Variants in NIPAL2 observed in about 807,000 individuals in gnomAD.
NIPAL2 encodes NIPA-like protein 2.
In NIPAL2, 43 loss-of-function variants were observed where a neutral mutation model predicts 48.9. That is an observed-to-expected ratio of 0.88 (90% CI 0.69 to 1.13). NIPAL2 has a LOEUF of 1.13. NIPAL2 is among the 50% of genes most tolerant of loss of function. The pLI is 0.00. For missense variants in NIPAL2, 446 were observed against 461.4 expected (o/e 0.97, Z 0.31); for synonymous variants, 167 against 174.6 (o/e 0.96, Z 0.34).
chr8:98,218,372 T>C (rs1811676002), intron 5 of NIPAL2, among the ~76,000 whole-genome samples: 1 of 152,164 alleles, frequency 6.6e-6, no homozygotes, highest in African/African-American at 2.4e-5. Flanking sequence ...TATCACGGAC[T>C]GATGAAAGCT....
chr8:98,196,306 C>G (rs145277265), intron 8 of NIPAL2, among the ~76,000 whole-genome samples: 4 of 152,188 alleles, frequency 2.6e-5, no homozygotes, highest in Non-Finnish European at 5.9e-5. Context: ...CTGGAACATA[C>G]AAGAAAACAA....
chr8:98,229,924 A>T (rs897864869), intron 4 of NIPAL2, among the ~76,000 whole-genome samples: 1 of 152,238 alleles, frequency 6.6e-6, no homozygotes, highest in Admixed American at 6.5e-5. Context: ...TATACTACAC[A>T]TAAGTTGTAT....
chr8:98,281,691 C>G (rs1269189337), intron 1 of NIPAL2, among the ~76,000 whole-genome samples: 2 of 152,162 alleles, frequency 1.3e-5, no homozygotes, highest in Non-Finnish European at 2.9e-5. Flanking sequence ...AAAGCAACCA[C>G]TAACAAGCAG....
chr8:98,218,694 G>C (rs147720027), intron 5 of NIPAL2, among the ~76,000 whole-genome samples: 1 of 152,206 alleles, frequency 6.6e-6, no homozygotes, highest in African/African-American at 2.4e-5. Flanking sequence ...GAAGTGCAGG[G>C]TCTTCTGGAA....
At chr8:98,199,654 G>A (rs987318204) in intron 8 of NIPAL2, among the ~76,000 whole-genome samples, 14 of 152,062 alleles carry the variant, frequency 9.2e-5, no homozygotes, top group African/African-American at 1.2e-4. Flanking sequence ...ACAGATCACC[G>A]TAACAGATAT....
chr8:98,220,049 T>G (rs1586333131), intron 5 of NIPAL2, among the ~76,000 whole-genome samples: 1 of 152,080 alleles, frequency 6.6e-6, no homozygotes, highest in Non-Finnish European at 1.5e-5. Context: ...GAATTTTTTT[T>G]TTTTTAAACA....
intron 6 of NIPAL2, among the ~76,000 whole-genome samples, chr8:98,207,326 C>T (rs1483385795): frequency 6.6e-6 from 1 of 152,214 alleles, no homozygotes; most frequent in Non-Finnish European, 1.5e-5. Flanking sequence ...GTTACATTTT[C>T]AAAGCATGCA....
intron 4 of NIPAL2, among the ~76,000 whole-genome samples, chr8:98,224,770 T>C (rs1453949465): frequency 4.0e-5 from 6 of 148,186 alleles, no homozygotes; most frequent in African/African-American, 1.5e-4. Flanking sequence ...TTTTTTTTTT[T>C]TTTGTTGAAA....
intron 6 of NIPAL2, among the ~76,000 whole-genome samples, chr8:98,211,733 A>AAGTGTGTCTGTGTGTGTGTGT (rs1271888062): frequency 9.2e-6 from 1 of 109,104 alleles, no homozygotes; most frequent in African/African-American, 3.9e-5. Context: ...AGAGAGAGAA[A>AAGTGTGTCTGTGTGTGTGTGT]GTGTGTGTGT....
chr8:98,227,343 C>T (rs1024917137), intron 4 of NIPAL2, among the ~76,000 whole-genome samples: 1 of 152,182 alleles, frequency 6.6e-6, no homozygotes, highest in Non-Finnish European at 1.5e-5. Context: ...ATAGCCACCA[C>T]AGCTGTGAAT....
intron 1 of NIPAL2, among the ~76,000 whole-genome samples, chr8:98,268,259 T>G (rs1814896005): frequency 6.6e-6 from 1 of 152,188 alleles, no homozygotes; most frequent in Admixed American, 6.5e-5. Flanking sequence ...TTTGGTAATA[T>G]ATGTGTGTCT....
chr8:98,277,217 C>T (rs990585448), intron 1 of NIPAL2, among the ~76,000 whole-genome samples: 11 of 152,090 alleles, frequency 7.2e-5, no homozygotes, highest in South Asian at 2.1e-4. Flanking sequence ...GCCATCACCG[C>T]GATCTAATTT....
chr8:98,284,308 C>A (rs908790485), intron 1 of NIPAL2, among the ~76,000 whole-genome samples: 1 of 152,070 alleles, frequency 6.6e-6, no homozygotes, highest in Non-Finnish European at 1.5e-5. Context: ...CATGTTAGTT[C>A]TGGAAGTTTA....
intron 1 of NIPAL2, among the ~76,000 whole-genome samples, chr8:98,279,188 G>A (rs1336369412): frequency 1.3e-5 from 2 of 152,056 alleles, no homozygotes; most frequent in African/African-American, 2.4e-5. Context: ...CCTAATTACT[G>A]GGGAGGAAAA....
chr8:98,286,002 T>C (rs1457400409), intron 1 of NIPAL2, among the ~76,000 whole-genome samples: 1 of 152,152 alleles, frequency 6.6e-6, no homozygotes, highest in Non-Finnish European at 1.5e-5. Context: ...GGTGTGACCT[T>C]TATGAGGTGA....
intron 4 of NIPAL2, among the ~76,000 whole-genome samples, chr8:98,227,204 C>T (rs1411353543): frequency 1.3e-5 from 2 of 152,128 alleles, no homozygotes; most frequent in Non-Finnish European, 2.9e-5. Context: ...GAGTCAAGAC[C>T]TGGAATCAGG....
rs952761525 is a variant in NIPAL2 at position 98,285,628 on chromosome 8, T to G, written c.135+8375A>C. ...ATTCACCATATTTTTAAAGCCCCCC[T>G]GGATGGAGGCTTGACTGAACCTAGA... On this transcript the variant is annotated intron_variant, in intron 1 of 10. Coordinates refer to ENST00000430223, the MANE Select transcript of NIPAL2 (RefSeq NM_001321635.2). Among the ~76,000 whole-genome samples, 26 of 152,194 alleles carry G rather than the reference T, an allele frequency of 1.7e-4. 2 individuals are homozygous for G. The highest frequency in any genetic ancestry group is 2.9e-5 in the Non-Finnish European group (2 of 68,030).
chr8:98,268,357 A>T (rs1352378202), intron 1 of NIPAL2, among the ~76,000 whole-genome samples: 1 of 152,164 alleles, frequency 6.6e-6, no homozygotes, highest in Non-Finnish European at 1.5e-5. Context: ...GCGGTGGCTC[A>T]TGCCTGTCAT....
intron 3 of NIPAL2, among the ~76,000 whole-genome samples, chr8:98,249,528 T>C (rs1813470049): frequency 6.6e-6 from 1 of 150,744 alleles, no homozygotes; most frequent in Non-Finnish European, 1.5e-5. Context: ...TATATACATG[T>C]CAATCATATG....
Sources: gnomAD v4.1 joint callset for allele counts (sites outside exome capture counted in the v4.1 genomes callset) on GRCh38, gnomAD v4.1.1 for gene constraint, MANE v1.5 for transcripts, NCBI Gene and HGNC (gene_info 2026-07-23, HGNC 2026-07-21) for gene names.